The following IMMP2L variants were observed in gnomAD, a reference collection of about 807,000 sequenced individuals.
The protein encoded by IMMP2L is inner mitochondrial membrane peptidase subunit 2.
In IMMP2L, 18 loss-of-function variants were observed where a neutral mutation model predicts 19.3. That is an observed-to-expected ratio of 0.93 (90% CI 0.64 to 1.38). The LOEUF (loss-of-function observed/expected upper bound fraction) is 1.38, where lower values mean the gene tolerates loss of function less well. Ranked by LOEUF, IMMP2L falls within the 40% of genes most tolerant of loss-of-function variation. IMMP2L has a pLI of 0.00. For missense variants in IMMP2L, 233 were observed against 218.2 expected (o/e 1.07, Z -0.43); for synonymous variants, 76 against 73.0 (o/e 1.04, Z -0.21).
intron 5 of IMMP2L, among the ~76,000 whole-genome samples, chr7:110,721,589 C>G (rs1275653928): frequency 6.6e-6 from 1 of 151,992 alleles, no homozygotes; most frequent in African/African-American, 2.4e-5. Flanking sequence ...AAACACAATT[C>G]TAAAATATGC....
chr7:111,317,659 C>A (rs1472198812), intron 3 of IMMP2L, among the ~76,000 whole-genome samples: 2 of 152,024 alleles, frequency 1.3e-5, no homozygotes, highest in East Asian at 3.9e-4. Flanking sequence ...AGATCATAAA[C>A]CCAAGGAGAC....
chr7:111,239,403 A>C (rs1814731751), intron 3 of IMMP2L, among the ~76,000 whole-genome samples: 1 of 151,902 alleles, frequency 6.6e-6, no homozygotes, highest in Non-Finnish European at 1.5e-5. Context: ...ACTTTCGATA[A>C]AATTTGAATT....
chr7:111,532,316 C>T (rs1847467488), intron 1 of IMMP2L, among the ~76,000 whole-genome samples: 2 of 152,068 alleles, frequency 1.3e-5, no homozygotes, highest in Admixed American at 6.6e-5. Context: ...AGCCCTACTT[C>T]GGTCTTATTT....
intron 5 of IMMP2L, among the ~76,000 whole-genome samples, chr7:110,739,851 A>G (rs1796882522): frequency 1.3e-5 from 2 of 152,182 alleles, no homozygotes; most frequent in Admixed American, 6.5e-5. Flanking sequence ...AATCAAAATT[A>G]TATCAAGTAC....
intron 3 of IMMP2L, among the ~76,000 whole-genome samples, chr7:111,167,763 T>C (rs1439009650): frequency 6.6e-6 from 1 of 151,942 alleles, no homozygotes; most frequent in Non-Finnish European, 1.5e-5. Flanking sequence ...CAAGAGCCTG[T>C]TGTGTTTACT....
chr7:110,941,964 T>C (rs1006141831), intron 4 of IMMP2L, among the ~76,000 whole-genome samples: 2 of 151,414 alleles, frequency 1.3e-5, no homozygotes, highest in Non-Finnish European at 2.9e-5. Context: ...AAAGAAATCA[T>C]ACCCTAGTTA....
chr7:111,344,365 C>T (rs573975326), intron 3 of IMMP2L, among the ~76,000 whole-genome samples: 1 of 152,260 alleles, frequency 6.6e-6, no homozygotes, highest in South Asian at 2.1e-4. Context: ...TGTATGCCTG[C>T]TTCCTTTTCT....
rs1018025814 is a variant in IMMP2L at position 111,398,470 on chromosome 7, T to C, written c.239+88768A>G. Among the ~76,000 whole-genome samples, 23 of 152,176 alleles carry C rather than the reference T, an allele frequency of 1.5e-4. 1 individual carries two copies. Among genetic ancestry groups the C allele is most frequent in the Non-Finnish European group, 2.9e-4 (20 of 68,002 alleles). ...AGCAAAAATCGACATACAAGGGACA[T>C]ACCTCAATGTAATAAAAGCCATTTA... On this transcript the variant is annotated intron_variant, in intron 3 of 5. Transcript: ENST00000405709.
intron 4 of IMMP2L, among the ~76,000 whole-genome samples, chr7:110,944,450 AGT>A (rs925687102): frequency 1.0e-4 from 15 of 147,560 alleles, no homozygotes; most frequent in Non-Finnish European, 1.5e-4. Context: ...AAGCACATAG[AGT>A]GTGTGTGTGT....
At chr7:111,394,867 G>A (rs774862208) in intron 3 of IMMP2L, 34 of 229,534 alleles carry the variant, frequency 1.5e-4, no homozygotes, top group Non-Finnish European at 2.5e-4. Flanking sequence ...TCAGTGTAAG[G>A]CCCATTCACT....
intron 3 of IMMP2L, among the ~76,000 whole-genome samples, chr7:111,324,775 G>A (rs1210503786): frequency 1.3e-5 from 2 of 151,720 alleles, no homozygotes; most frequent in Non-Finnish European, 2.9e-5. Context: ...TGTATTTTTA[G>A]TTTTTAAAAA....
At chr7:110,731,732 T>C (rs1483491949) in intron 5 of IMMP2L, among the ~76,000 whole-genome samples, 1 of 152,228 alleles carries the variant, frequency 6.6e-6, no homozygotes, top group African/African-American at 2.4e-5. Context: ...TCAAATTTTA[T>C]AGTAATTATT....
At chr7:111,002,229 C>A (rs1823786537) in intron 3 of IMMP2L, among the ~76,000 whole-genome samples, 1 of 152,024 alleles carries the variant, frequency 6.6e-6, no homozygotes, top group Admixed American at 6.6e-5. Flanking sequence ...GTAAAAATTA[C>A]CCTAAGGTAA....
At chr7:111,257,352 G>T (rs193076992) in intron 3 of IMMP2L, among the ~76,000 whole-genome samples, 3 of 152,110 alleles carry the variant, frequency 2.0e-5, no homozygotes, top group Non-Finnish European at 4.4e-5. Flanking sequence ...CAGGTCACCC[G>T]TTACTAAATT....
intron 3 of IMMP2L, among the ~76,000 whole-genome samples, chr7:111,335,501 T>A (rs1563073329): frequency 6.6e-6 from 1 of 152,170 alleles, no homozygotes; most frequent in East Asian, 1.9e-4. Flanking sequence ...CAACGTGAAA[T>A]TTACAGGTGA....
intron 3 of IMMP2L, among the ~76,000 whole-genome samples, chr7:111,346,455 A>C (rs1827574289): frequency 6.6e-6 from 1 of 152,150 alleles, no homozygotes; most frequent in Non-Finnish European, 1.5e-5. Flanking sequence ...CTATCTATGC[A>C]ATCAACATAC....
intron 5 of IMMP2L, among the ~76,000 whole-genome samples, chr7:110,884,014 G>A (rs1457285725): frequency 6.6e-6 from 1 of 151,978 alleles, no homozygotes; most frequent in Non-Finnish European, 1.5e-5. Flanking sequence ...TGAAAGAATT[G>A]CTGCAGGCAT....
intron 3 of IMMP2L, among the ~76,000 whole-genome samples, chr7:111,060,528 G>T (rs894944635): frequency 5.3e-5 from 8 of 152,240 alleles, no homozygotes; most frequent in Middle Eastern, 3.4e-3. Flanking sequence ...TCAGAACCAG[G>T]CATGTCCAGG....
At position 111,416,089 on chromosome 7, in the gene IMMP2L, A is replaced by G. The variant is rs543385948; in HGVS notation, c.239+71149T>C. 3.9e-4 allele frequency among the ~76,000 whole-genome samples: 60 copies of G among 151,976 alleles called. 1 individual carries two copies. The highest frequency in any genetic ancestry group is 1.4e-3 in the African/African-American group (56 of 41,278). On this transcript the variant is annotated intron_variant, in intron 3 of 5. Coordinates refer to ENST00000405709, the MANE Select transcript of IMMP2L (RefSeq NM_032549.4). ...TATTAATTATAATTATTACATGTAG[A>G]TCTACGGAGAACATCTATTCCCAGT...
Sources: gnomAD v4.1 joint callset for allele counts (sites outside exome capture counted in the v4.1 genomes callset) on GRCh38, gnomAD v4.1.1 for gene constraint, MANE v1.5 for transcripts, NCBI Gene and HGNC (gene_info 2026-07-23, HGNC 2026-07-21) for gene names.